ULK4: variants seen among roughly 807,000 people sequenced by gnomAD.
The protein encoded by ULK4 is unc-51 like kinase 4, also known as inactive serine/threonine-protein kinase ULK4.
In ULK4, 133 loss-of-function variants were observed where a neutral mutation model predicts 160.6. The observed-to-expected ratio is 0.83, with a 90% CI of 0.72 to 0.96. The LOEUF (loss-of-function observed/expected upper bound fraction) is 0.96, where lower values mean the gene tolerates loss of function less well. Among genes scored for constraint, ULK4 ranks in the 40% least tolerant of loss-of-function variants. The pLI, the probability that ULK4 is intolerant of heterozygous loss-of-function variation, is 0.00. For synonymous variants in ULK4, 534 were observed against 539.8 expected (o/e 0.99, Z 0.15); for missense variants, 1,580 against 1,499.5 (o/e 1.05, Z -0.89).
intron 31 of ULK4, among the ~76,000 whole-genome samples, chr3:41,603,123 T>C (rs2032198287): frequency 6.6e-6 from 1 of 151,966 alleles, no homozygotes; most frequent in Non-Finnish European, 1.5e-5. Flanking sequence ...AGAGTGAACA[T>C]GCAACAGGAG....
intron 6 of ULK4, among the ~76,000 whole-genome samples, chr3:41,919,072 T>C (rs1407168872): frequency 1.3e-5 from 2 of 152,206 alleles, no homozygotes. Context: ...AACACACATA[T>C]GGACCACTAC....
At chr3:41,499,283 C>G (rs1377986213) in intron 32 of ULK4, among the ~76,000 whole-genome samples, 3 of 151,772 alleles carry the variant, frequency 2.0e-5, no homozygotes, top group Admixed American at 2.0e-4. Context: ...CCCCAATAGA[C>G]AACAGAGCTT....
intron 32 of ULK4, among the ~76,000 whole-genome samples, chr3:41,564,001 T>C (rs1043297590): frequency 6.6e-6 from 1 of 152,252 alleles, no homozygotes; most frequent in African/African-American, 2.4e-5. Context: ...TGTGGTTTTA[T>C]CTACCTTTGT....
At chr3:41,440,709 T>C (rs774450538) in intron 34 of ULK4, among the ~76,000 whole-genome samples, 11 of 152,094 alleles carry the variant, frequency 7.2e-5, no homozygotes, top group Non-Finnish European at 1.6e-4. Flanking sequence ...CTGGGAAAGA[T>C]TTTGTAAATT....
At chr3:41,423,661 C>A (rs1307992775) in intron 34 of ULK4, among the ~76,000 whole-genome samples, 5 of 151,976 alleles carry the variant, frequency 3.3e-5, no homozygotes, top group Admixed American at 1.3e-4. Flanking sequence ...GTGAATCCTG[C>A]ACCAAAAACT....
At position 41,821,206 on chromosome 3, in the gene ULK4, T is replaced by G. The variant is rs752440217; in HGVS notation, c.1765-1700A>C. On this transcript the variant is annotated intron_variant, in intron 18 of 36. Transcript: ENST00000301831. ...TACTCTTGTTTGGGAAACCTCAACC[T>G]CTGAGAAAGCCAGCTGCTTGTTTTC... Among the ~76,000 whole-genome samples the G allele has an allele frequency of 9.9e-4, 151 of 152,188 alleles. 2 individuals carry two copies. The highest frequency in any genetic ancestry group is 7.9e-4 in the Non-Finnish European group (54 of 68,036).
chr3:41,491,067 C>A (rs868375180), intron 32 of ULK4, among the ~76,000 whole-genome samples: 2 of 152,272 alleles, frequency 1.3e-5, no homozygotes, highest in Middle Eastern at 3.4e-3. Flanking sequence ...GATGAGATCA[C>A]TGAGAACACA....
intron 35 of ULK4, among the ~76,000 whole-genome samples, chr3:41,344,770 A>G (rs1160877006): frequency 6.6e-6 from 1 of 151,210 alleles, no homozygotes; most frequent in Non-Finnish European, 1.5e-5. Flanking sequence ...AAAAAAAAAA[A>G]AAAGGCAAAA....
chr3:41,623,852 C>G (rs571161366), intron 30 of ULK4, among the ~76,000 whole-genome samples: 5 of 152,116 alleles, frequency 3.3e-5, no homozygotes, highest in Non-Finnish European at 7.3e-5. Flanking sequence ...AATGATAGCA[C>G]GTGAAGTGAT....
intron 21 of ULK4, among the ~76,000 whole-genome samples, chr3:41,771,415 T>C (rs894091710): frequency 1.3e-5 from 2 of 152,176 alleles, no homozygotes; most frequent in Non-Finnish European, 2.9e-5. Context: ...AAAGGAACCG[T>C]AGAATTACAA....
chr3:41,263,488 C>T (rs2078981096), intron 35 of ULK4, among the ~76,000 whole-genome samples: 1 of 152,156 alleles, frequency 6.6e-6, no homozygotes, highest in Non-Finnish European at 1.5e-5. Context: ...TCCTTCTTTC[C>T]CCAGTTCCTC....
chr3:41,534,964 T>C (rs1020046384), intron 32 of ULK4, among the ~76,000 whole-genome samples: 3 of 152,226 alleles, frequency 2.0e-5, no homozygotes, highest in Admixed American at 1.3e-4. Flanking sequence ...TATGTATGTG[T>C]ATGTGTGTAT....
intron 4 of ULK4, among the ~76,000 whole-genome samples, chr3:41,934,531 T>A (rs1035796301): frequency 6.6e-6 from 1 of 152,182 alleles, no homozygotes; most frequent in African/African-American, 2.4e-5. Flanking sequence ...TACCAAAAAG[T>A]ATCCTAGAAA....
chr3:41,797,159 A>G (rs2040324871), intron 20 of ULK4, among the ~76,000 whole-genome samples: 1 of 152,078 alleles, frequency 6.6e-6, no homozygotes, highest in Non-Finnish European at 1.5e-5. Flanking sequence ...CAAGGCCATC[A>G]AAATAATTTG....
chr3:41,857,061 G>GT (rs1278083311), intron 17 of ULK4, among the ~76,000 whole-genome samples: 2 of 152,074 alleles, frequency 1.3e-5, no homozygotes, highest in Non-Finnish European at 2.9e-5. Flanking sequence ...AAGAGGGTTT[G>GT]TAAGTGGCCA....
intron 25 of ULK4, among the ~76,000 whole-genome samples, chr3:41,710,739 A>G (rs1323601800): frequency 6.6e-6 from 1 of 151,386 alleles, no homozygotes; most frequent in African/African-American, 2.4e-5. Context: ...GGTTGCAGTG[A>G]GCCGAGATCG....
chr3:41,754,726 G>T (rs1053878162), intron 21 of ULK4, among the ~76,000 whole-genome samples: 2 of 152,142 alleles, frequency 1.3e-5, no homozygotes, highest in African/African-American at 4.8e-5. Flanking sequence ...AGAGAAAAAT[G>T]AATATGGAAA....
chr3:41,789,824 C>T lies in ULK4; in HGVS notation c.2030G>A (p.Arg677His), dbSNP rs763462342. The stretch of plus-strand genomic sequence containing the variant: ...ATTCTGGAAGGCAGTAGGAGAATGG[C>T]GAGTGATTCTACACAAGGCCTACAA... ...TAVSALCRITRHSPTAFQNVI... is the reference protein window; with the variant it reads ...TAVSALCRITHHSPTAFQNVI... The change falls in exon 21 of 37, where the codon CGC becomes CAC. Residue 677 changes from arginine to histidine, a missense_variant. By Grantham distance (29) the Arg-to-His change is conservative (BLOSUM62 0). Transcript: ENST00000301831. The T allele has an allele frequency of 5.0e-6, 8 of 1,610,536 alleles. No individual in the cohort carries two copies. The highest frequency in any genetic ancestry group is 1.7e-5 in the Admixed American group (1 of 59,430).
chr3:41,703,559 T>C (rs1014162591), intron 27 of ULK4, among the ~76,000 whole-genome samples: 1 of 150,892 alleles, frequency 6.6e-6, no homozygotes, highest in Non-Finnish European at 1.5e-5. Flanking sequence ...AGAAGAAATA[T>C]GAAAAATTAA....
Sources: allele counts gnomAD v4.1 joint callset (sites outside exome capture counted in the v4.1 genomes callset), GRCh38; gene constraint gnomAD v4.1.1; transcripts MANE v1.5; gene names NCBI Gene and HGNC (gene_info 2026-07-23, HGNC 2026-07-21).